The following MYOM2 variants were observed in gnomAD, a reference collection of about 807,000 sequenced individuals.
MYOM2 encodes the protein myomesin 2.
In MYOM2, 254 loss-of-function variants were observed where a neutral mutation model predicts 187.6. That is an observed-to-expected ratio of 1.35 (90% CI 1.22 to 1.50). MYOM2 has a LOEUF of 1.50. Ranked by LOEUF, MYOM2 falls within the 40% of genes most tolerant of loss-of-function variation. The probability of loss-of-function intolerance (pLI) is 0.00; values close to 1 mark genes in which losing one functional copy is unlikely to be tolerated. For missense variants in MYOM2, 2,796 were observed against 1,924.0 expected, an observed-to-expected ratio of 1.45 and a Z score of -8.48; for synonymous variants, 981 against 753.8, an observed-to-expected ratio of 1.30 and a Z score of -4.94.
chr8:2,057,998 G>A (rs1479195638), intron 5 of MYOM2, among the ~76,000 whole-genome samples: 2 of 80,716 alleles, frequency 2.5e-5, no homozygotes, highest in African/African-American at 9.6e-5. Context: ...TTTTCAGAGG[G>A]TTTTTTTTTT....
chr8:2,075,664 G>C (rs1819391484), intron 10 of MYOM2, among the ~76,000 whole-genome samples: 1 of 152,236 alleles, frequency 6.6e-6, no homozygotes, highest in African/African-American at 2.4e-5. Context: ...TCAATAGACT[G>C]AGAAACGAAT....
intron 25 of MYOM2, among the ~76,000 whole-genome samples, chr8:2,111,371 C>G (rs1052013754): frequency 2.0e-5 from 3 of 152,174 alleles, no homozygotes; most frequent in South Asian, 4.1e-4. Context: ...TTTTGTAAAA[C>G]CTGCCCAGAC....
rs1797223109 is a variant in MYOM2, at chr8:2,115,882, G to A, written c.3181-78G>A. 6.8e-6 allele frequency: 10 copies of A among 1,474,462 alleles called. No homozygotes were observed. The South Asian group carries it at 1.3e-4, about 19-fold the overall frequency. 91.3% of individuals were successfully genotyped at this position (1,474,462 alleles called of 1,614,324 possible). On this transcript the variant is annotated intron_variant, in intron 25 of 36. Transcript: ENST00000262113. ...AATCCCTTGAGATCTCATGGCTGAT[G>A]CAATTGTTAAATGTTGCAAGGGAAA...
chr8:2,108,708 G>C (rs906438563), intron 23 of MYOM2, 78 bp from the exon 24 acceptor site: 4 of 1,379,676 alleles, frequency 2.9e-6, no homozygotes, highest in Admixed American at 1.8e-5. Context: ...AATCTTGCTC[G>C]TGTGTCGCCT....
intron 32 of MYOM2, among the ~76,000 whole-genome samples, chr8:2,140,359 C>G (rs1012613190): frequency 2.5e-5 from 3 of 119,750 alleles, no homozygotes; most frequent in Non-Finnish European, 5.4e-5. Flanking sequence ...CAATATCTCT[C>G]CAAGACCCCG....
intron 1 of MYOM2, among the ~76,000 whole-genome samples, chr8:2,046,171 A>C (rs1314674505): frequency 6.6e-6 from 1 of 152,202 alleles, no homozygotes; most frequent in African/African-American, 2.4e-5. Flanking sequence ...CTGTACAAAC[A>C]ATTTCCTTCA....
chr8:2,050,364 T>C (rs905010691), intron 1 of MYOM2, among the ~76,000 whole-genome samples: 12 of 152,360 alleles, frequency 7.9e-5, no homozygotes, highest in Middle Eastern at 3.4e-3. Context: ...TTGGCTCTTA[T>C]CGTATGTTCT....
chr8:2,092,183 G>T (rs1343690109), intron 15 of MYOM2, among the ~76,000 whole-genome samples, 163 bp from the exon 16 acceptor site: 1 of 151,910 alleles, frequency 6.6e-6, no homozygotes, highest in Non-Finnish European at 1.5e-5. Context: ...CCCTCGGGTG[G>T]TCGGCCCGGG....
At chr8:2,141,478 A>G (rs1029341689) in intron 34 of MYOM2, among the ~76,000 whole-genome samples, 10 of 152,252 alleles carry the variant, frequency 6.6e-5, no homozygotes, top group Non-Finnish European at 8.8e-5. Context: ...AGTCAAAGAC[A>G]GGTTTATTTT....
At chr8:2,137,980 T>C (rs968012769) in intron 32 of MYOM2, among the ~76,000 whole-genome samples, 1 of 152,198 alleles carries the variant, frequency 6.6e-6, no homozygotes, top group African/African-American at 2.4e-5. Flanking sequence ...CTGCCTGGTA[T>C]ATGTTCTGTG....
intron 11 of MYOM2, among the ~76,000 whole-genome samples, chr8:2,078,479 C>G (rs2129336730): frequency 6.6e-6 from 1 of 152,138 alleles, no homozygotes; most frequent in South Asian, 2.1e-4. Context: ...TGATCTTCAG[C>G]TATAAATTAT....
At position 2,092,535 on chromosome 8, in the gene MYOM2, C is replaced by T. The variant is rs761055699; in HGVS notation, c.2003+15C>T. On this transcript the variant is annotated intron_variant, in intron 16 of 36. Transcript: ENST00000262113. Reference sequence around the variant, plus strand: ...GGATACAACAGGTGCGGCCTCCCTCCCCAGCCCTGGAGTCAGCCTTGCAGG... The same window carrying T: ...GGATACAACAGGTGCGGCCTCCCTCTCCAGCCCTGGAGTCAGCCTTGCAGG... 7 of 1,612,670 alleles carry T rather than the reference C, an allele frequency of 4.3e-6. No individual in the cohort carries two copies. In the East Asian group the frequency reaches 6.7e-5, roughly 15 times the overall value.
At chr8:2,045,212 A>G (rs1818273380) in intron 1 of MYOM2, 44 bp downstream of exon 1, 1 of 152,202 alleles carries the variant, frequency 6.6e-6, no homozygotes, top group African/African-American at 2.4e-5. Context: ...TGTGGCTTTA[A>G]GGGGAGGACC....
intron 13 of MYOM2, among the ~76,000 whole-genome samples, chr8:2,080,283 T>G (rs931794081): frequency 5.9e-5 from 9 of 152,228 alleles, no homozygotes; most frequent in African/African-American, 1.9e-4. Flanking sequence ...GATTTTGAGC[T>G]GCTCGCTAAA....
chr8:2,138,027 T>C (rs2116911298), intron 32 of MYOM2, among the ~76,000 whole-genome samples: 1 of 152,302 alleles, frequency 6.6e-6, no homozygotes, highest in East Asian at 1.9e-4. Context: ...AGAATCACCA[T>C]GTAAAGTCTA....
In MYOM2 at chr8:2,108,799, G is replaced by C. The variant is rs1796975335; in HGVS notation, c.3012G>C (p.Leu1004Phe). 6.2e-7 allele frequency: 1 copy of C among 1,613,804 alleles called. No individual in the cohort carries two copies. Among genetic ancestry groups the C allele is most frequent in the Non-Finnish European group, 8.5e-7 (1 of 1,179,924 alleles). The change falls in exon 24 of 37, where the codon TTG becomes TTC. Residue 1004 changes from leucine to phenylalanine, a missense_variant. Transcript: ENST00000262113. ...TCTTCGTTTTAGAGCTCGAGCGTTT[G>C]ATGGCATTGAGCAATGAAATAAAGA... The part of the protein sequence containing the change: ...FVLDPEELER[L>F]MALSNEIKNP...
At chr8:2,059,635 T>C (rs1275421307) in intron 6 of MYOM2, among the ~76,000 whole-genome samples, 2 of 152,030 alleles carry the variant, frequency 1.3e-5, no homozygotes, top group East Asian at 1.9e-4. Flanking sequence ...AAAAAGTATA[T>C]GAAATGTAGA....
intron 28 of MYOM2, chr8:2,118,985 T>A (rs1365742038): frequency 6.6e-6 from 1 of 152,112 alleles, no homozygotes. Flanking sequence ...GAGAGGGAAG[T>A]GTACTGGAGG....
intron 14 of MYOM2, among the ~76,000 whole-genome samples, 191 bp from the exon 15 acceptor site, chr8:2,089,817 C>T (rs562257230): frequency 1.3e-5 from 2 of 152,224 alleles, no homozygotes; most frequent in South Asian, 2.1e-4. Flanking sequence ...GTATTTGTGA[C>T]TTCCTTCTCC....
Sources: gnomAD v4.1 joint callset for allele counts (sites outside exome capture counted in the v4.1 genomes callset) on GRCh38, gnomAD v4.1.1 for gene constraint, MANE v1.5 for transcripts, NCBI Gene and HGNC (gene_info 2026-07-23, HGNC 2026-07-21) for gene names.